Variants in PIGL observed in about 807,000 individuals in gnomAD.
PIGL encodes N-acetylglucosaminyl-phosphatidylinositol de-N-acetylase.
A neutral mutation model predicts 31.1 loss-of-function variants in PIGL; 22 were observed. The ratio of observed to expected loss-of-function variants is 0.71; its 90% confidence interval spans 0.51 to 1.01. The LOEUF (loss-of-function observed/expected upper bound fraction) is 1.01. Among genes scored for constraint, PIGL ranks in the 50% least tolerant of loss-of-function variants. The probability of loss-of-function intolerance (pLI) is 0.00; values close to 1 mark genes in which losing one functional copy is unlikely to be tolerated. For synonymous variants in PIGL, 131 were observed against 117.4 expected (o/e 1.12, Z -0.75); for missense variants, 302 against 315.9 (o/e 0.96, Z 0.33).
At chr17:16,287,466 T>C (rs1263335677) in intron 2 of PIGL, among the ~76,000 whole-genome samples, 2 of 152,228 alleles carry the variant, frequency 1.3e-5, no homozygotes, top group African/African-American at 4.8e-5. Flanking sequence ...CTTCTGCTCC[T>C]GGGGTCACAG....
intron 3 of PIGL, chr17:16,312,922 GGGGGAA>G (rs1457760651): frequency 1.7e-5 from 2 of 117,392 alleles, no homozygotes; most frequent in African/African-American, 6.7e-5. Context: ...AAAGAGGGGA[GGGGGAA>G]GGGGGGGGGA....
chr17:16,253,561 G>A (rs149021501), intron 2 of PIGL, among the ~76,000 whole-genome samples: 1 of 152,070 alleles, frequency 6.6e-6, no homozygotes, highest in East Asian at 1.9e-4. Flanking sequence ...CACACAAAAA[G>A]CAGTTTGTGG....
At chr17:16,229,825 A>G (rs567826026) in intron 1 of PIGL, among the ~76,000 whole-genome samples, 169 of 115,720 alleles carry the variant, frequency 1.5e-3, no homozygotes, top group African/African-American at 5.4e-3. Flanking sequence ...TCCTTTGCCC[A>G]TTTTCTGATT....
intron 1 of PIGL, among the ~76,000 whole-genome samples, chr17:16,223,443 G>T (rs939686732): frequency 2.0e-5 from 3 of 152,034 alleles, no homozygotes; most frequent in African/African-American, 7.2e-5. Flanking sequence ...CGGGTGTGGT[G>T]GTGGATGCCT....
At chr17:16,236,868 C>T (rs776013924) in intron 2 of PIGL, among the ~76,000 whole-genome samples, 30 of 151,700 alleles carry the variant, frequency 2.0e-4, no homozygotes, top group Non-Finnish European at 8.8e-5. Flanking sequence ...CACGCCTGGC[C>T]GCTATAGTGT....
Position 16,316,717 on chromosome 17 carries a change from G to A in PIGL, c.526+5G>A. On this transcript the variant is annotated splice_donor_5th_base_variant and intron_variant, in intron 5 of 6. Transcript: ENST00000225609. ...CAGAAGGGAAGTTACCTAAAGGTAA[G>A]GCTTGTTCCTTTTGCAAAGGGCCAC... The A allele has an allele frequency of 6.2e-7, 1 of 1,610,114 alleles. No individual in the cohort carries two copies. The highest frequency in any genetic ancestry group is 8.5e-7 in the Non-Finnish European group (1 of 1,176,648).
Position 16,325,869 on chromosome 17 carries a change from A to C in PIGL, c.730A>C (p.Met244Leu), listed in dbSNP as rs754697429. Residue 244 changes from methionine to leucine, a missense_variant, in exon 7 of 7, where the codon ATG (methionine) becomes CTG (leucine). Physicochemically the swap from Met to Leu is conservative, Grantham distance 15. Transcript: ENST00000225609. ...RRLYIIFSRY[M>L]RINSLSFL ...CCTCTACATTATCTTCTCCCGGTAC[A>C]TGAGAATCAACTCACTGAGCTTCCT... 43 of 1,613,724 alleles carry C rather than the reference A, an allele frequency of 2.7e-5. No individual in the cohort carries two copies. Among genetic ancestry groups the C allele is most frequent in the Middle Eastern group, 1.6e-4 (1 of 6,084 alleles).
At position 16,325,801 on chromosome 17, in the gene PIGL, A is replaced by G; in HGVS notation, c.662A>G (p.Lys221Arg). The G allele has an allele frequency of 6.2e-7, 1 of 1,612,320 alleles. No individual in the cohort carries two copies. Among genetic ancestry groups the G allele is most frequent in the South Asian group, 1.1e-5 (1 of 91,048 alleles). Residue 221 changes from lysine to arginine, a missense_variant and splice_region_variant, in exon 7 of 7, where the codon AAA becomes AGA. Coordinates refer to ENST00000225609, the MANE Select transcript of PIGL (RefSeq NM_004278.4). ...LNSKEVAQAK[K>R]AMSCHRSQLL... ...ACTGGTTCTCTTTGATTCTTCTAGAAAGCCATGTCCTGCCACCGCAGCCAG... is the reference window on the plus strand; with the variant it reads ...ACTGGTTCTCTTTGATTCTTCTAGAGAGCCATGTCCTGCCACCGCAGCCAG...
chr17:16,246,936 G>A (rs988884677), intron 2 of PIGL, among the ~76,000 whole-genome samples: 14 of 151,486 alleles, frequency 9.2e-5, no homozygotes, highest in Admixed American at 4.6e-4. Flanking sequence ...TGATCCACCC[G>A]CCTCGGCCTC....
chr17:16,254,605 T>C (rs1341535381), intron 2 of PIGL, among the ~76,000 whole-genome samples: 1 of 118,994 alleles, frequency 8.4e-6, no homozygotes, highest in Non-Finnish European at 1.9e-5. Context: ...TTGGTTGTTT[T>C]TTTGTTTTGT....
At chr17:16,219,383 G>T (rs766217659) in intron 1 of PIGL, among the ~76,000 whole-genome samples, 18 of 151,688 alleles carry the variant, frequency 1.2e-4, no homozygotes, top group Non-Finnish European at 1.9e-4. Flanking sequence ...TTCTTAATTT[G>T]TTTAGTATCT....
chr17:16,223,067 C>G (rs1050740650), intron 1 of PIGL, among the ~76,000 whole-genome samples: 6 of 152,114 alleles, frequency 3.9e-5, no homozygotes, highest in Non-Finnish European at 8.8e-5. Context: ...TGGAGAATAG[C>G]CAGATGTGCT....
chr17:16,258,103 A>AGAGAGAGAG (rs2092803342), intron 2 of PIGL, among the ~76,000 whole-genome samples: 10 of 65,698 alleles, frequency 1.5e-4, no homozygotes, highest in Non-Finnish European at 2.3e-4. Flanking sequence ...GAGAGAGAGA[A>AGAGAGAGAG]AGAGAGAGAG....
intron 3 of PIGL, among the ~76,000 whole-genome samples, chr17:16,310,106 AAG>A (rs2093042868): frequency 6.6e-6 from 1 of 151,822 alleles, no homozygotes; most frequent in Non-Finnish European, 1.5e-5. Context: ...GAAAGAAAGA[AAG>A]AAAAAAGAAA....
At chr17:16,275,162 A>C (rs2092889556) in intron 2 of PIGL, among the ~76,000 whole-genome samples, 1 of 152,226 alleles carries the variant, frequency 6.6e-6, no homozygotes, top group Non-Finnish European at 1.5e-5. Context: ...GGGCTGGCTT[A>C]TTGAGTTTTC....
intron 1 of PIGL, among the ~76,000 whole-genome samples, chr17:16,220,447 ATTTATTC>A (rs1465887402): frequency 9.0e-6 from 1 of 111,580 alleles, no homozygotes; most frequent in Non-Finnish European, 1.9e-5. Flanking sequence ...ATTGTATGTT[ATTTATTC>A]TTTATTTGTG....
chr17:16,307,392 C>A (rs369274957), intron 3 of PIGL, among the ~76,000 whole-genome samples: 51 of 152,220 alleles, frequency 3.4e-4, no homozygotes, highest in African/African-American at 1.2e-3. Context: ...TTCAAAGTTT[C>A]TGCTTTGTTT....
At chr17:16,264,822 T>G (rs2092835429) in intron 2 of PIGL, among the ~76,000 whole-genome samples, 1 of 151,662 alleles carries the variant, frequency 6.6e-6, no homozygotes, top group Non-Finnish European at 1.5e-5. Flanking sequence ...AATGGGGGTT[T>G]CACCGTGTTG....
intron 2 of PIGL, among the ~76,000 whole-genome samples, chr17:16,283,636 C>A (rs553620373): frequency 6.9e-4 from 105 of 152,232 alleles, no homozygotes; most frequent in Middle Eastern, 3.4e-3. Context: ...GCCTAAGCAA[C>A]AGACTGAGAC....
Sources: allele counts gnomAD v4.1 joint callset (sites outside exome capture counted in the v4.1 genomes callset), GRCh38; gene constraint gnomAD v4.1.1; transcripts MANE v1.5; gene names NCBI Gene and HGNC (gene_info 2026-07-23, HGNC 2026-07-21).